The following MYO1H variants were observed in gnomAD, a reference collection of about 807,000 sequenced individuals.
MYO1H encodes myosin IH.
Under a neutral mutation model 149.3 loss-of-function variants are expected in MYO1H, and 118 were observed. The ratio of observed to expected loss-of-function variants is 0.79; its 90% CI spans 0.68 to 0.92. MYO1H has a LOEUF of 0.92. Among genes scored for constraint, MYO1H ranks in the 40% least tolerant of loss-of-function variants. The pLI, the probability that MYO1H is intolerant of heterozygous loss-of-function variation, is 0.00. For missense variants in MYO1H, 1,212 were observed against 1,280.7 expected (o/e 0.95, Z 0.82); for synonymous variants, 447 against 465.2 (o/e 0.96, Z 0.50).
chr12:109,314,415 T>A, the MYO1H span, among the ~76,000 whole-genome samples: 1 of 152,196 alleles, frequency 6.6e-6, no homozygotes, highest in Non-Finnish European at 1.5e-5. Context: ...GGCTAGTGAA[T>A]AATCCATGAT....
At chr12:109,407,233 C>G (rs899968448) in intron 9 of MYO1H, among the ~76,000 whole-genome samples, 1 of 152,058 alleles carries the variant, frequency 6.6e-6, no homozygotes, top group African/African-American at 2.4e-5. Context: ...GTCAAAGCAC[C>G]CTATGTATCT....
chr12:109,335,225 G>A, the MYO1H span, among the ~76,000 whole-genome samples: 3 of 152,250 alleles, frequency 2.0e-5, no homozygotes, highest in East Asian at 3.9e-4. Context: ...TGTGAATATT[G>A]ATGTTTCTGG....
chr12:109,423,458 G>A (rs1185149349), intron 16 of MYO1H, among the ~76,000 whole-genome samples: 4 of 152,196 alleles, frequency 2.6e-5, no homozygotes, highest in Middle Eastern at 3.2e-3. Context: ...GACCACGCTC[G>A]GCCACATTTT....
intron 2 of MYO1H, among the ~76,000 whole-genome samples, chr12:109,391,721 A>G (rs552954385): frequency 2.6e-5 from 4 of 152,268 alleles, no homozygotes; most frequent in African/African-American, 9.6e-5. Flanking sequence ...CCTTGCCAGC[A>G]TCTGTTATTT....
the MYO1H span, among the ~76,000 whole-genome samples, chr12:109,324,051 C>G: frequency 6.6e-6 from 1 of 151,040 alleles, no homozygotes; most frequent in African/African-American, 2.4e-5. Flanking sequence ...GCTGGCTTGT[C>G]TTTGGTCTTC....
intron 15 of MYO1H, among the ~76,000 whole-genome samples, chr12:109,417,023 T>C (rs1265676135): frequency 1.3e-5 from 2 of 149,370 alleles, no homozygotes; most frequent in Admixed American, 6.7e-5. Context: ...AAAAAAAAAT[T>C]AGCCGGTCGT....
At chr12:109,366,855 T>C (rs537909205) in intron 1 of MYO1H, among the ~76,000 whole-genome samples, 17 of 152,210 alleles carry the variant, frequency 1.1e-4, no homozygotes, top group Non-Finnish European at 1.8e-4. Context: ...ACTTCCCAGA[T>C]CCAAAAATGC....
At chr12:109,344,659 G>A (rs1423809481), upstream of MYO1H, among the ~76,000 whole-genome samples, 1 of 152,148 alleles carries the variant, frequency 6.6e-6, no homozygotes, top group Non-Finnish European at 1.5e-5. Flanking sequence ...AAATGCAAGG[G>A]ACCCAGAATG....
At chr12:109,409,228 CTTCTT>C (rs1870538970) in intron 10 of MYO1H, among the ~76,000 whole-genome samples, 1 of 96,908 alleles carries the variant, frequency 1.0e-5, no homozygotes, top group South Asian at 3.7e-4. Context: ...TCTTCTTTTT[CTTCTT>C]CTTCTTCTTC....
At chr12:109,442,752 G>T (rs1326731238) in intron 27 of MYO1H, among the ~76,000 whole-genome samples, 1 of 150,220 alleles carries the variant, frequency 6.7e-6, no homozygotes, top group Non-Finnish European at 1.5e-5. Flanking sequence ...CTGGCACGCA[G>T]CAGCAGGTGA....
intron 1 of MYO1H, among the ~76,000 whole-genome samples, chr12:109,359,975 G>A (rs771898325): frequency 7.9e-5 from 12 of 152,286 alleles, no homozygotes; most frequent in Non-Finnish European, 1.8e-4. Flanking sequence ...GACTCCCCGC[G>A]ACCTCTGTCC....
At chr12:109,413,602 A>T (rs1158630014) in intron 14 of MYO1H, among the ~76,000 whole-genome samples, 1 of 152,216 alleles carries the variant, frequency 6.6e-6, no homozygotes, top group Non-Finnish European at 1.5e-5. Context: ...TGATGTAAGT[A>T]AATTACACAA....
At chr12:109,313,858 T>C in the MYO1H span, among the ~76,000 whole-genome samples, 12 of 152,270 alleles carry the variant, frequency 7.9e-5, no homozygotes, top group South Asian at 1.5e-3. Flanking sequence ...AGGCATTCCT[T>C]TATGAAAAGT....
At chr12:109,394,659 T>C (rs1350422870) in intron 3 of MYO1H, among the ~76,000 whole-genome samples, 1 of 152,066 alleles carries the variant, frequency 6.6e-6, no homozygotes, top group African/African-American at 2.4e-5. Flanking sequence ...AATTTTCTAG[T>C]TTTTCTCCCT....
At chr12:109,443,591 A>G (rs896388762) in exon 28 of MYO1H, 1 of 1,613,744 alleles carries the variant, frequency 6.2e-7, no homozygotes, top group African/African-American at 1.3e-5. Flanking sequence ...CTCAGAAAGC[A>G]GCTTACGTGG....
At chr12:109,323,198 T>C in the MYO1H span, among the ~76,000 whole-genome samples, 138 of 152,344 alleles carry the variant, frequency 9.1e-4, 4 homozygotes, top group Admixed American at 7.4e-3. Context: ...GCAAAGCAAT[T>C]TGAGTACAGA....
chr12:109,397,986 C>T (rs1869986244), intron 5 of MYO1H, among the ~76,000 whole-genome samples, 174 bp downstream of exon 5: 1 of 152,140 alleles, frequency 6.6e-6, no homozygotes, highest in African/African-American at 2.4e-5. Flanking sequence ...AATGAGATAA[C>T]ATTTTATACC....
At chr12:109,436,275 G>A (rs75004906) in intron 21 of MYO1H, among the ~76,000 whole-genome samples, 254 of 152,212 alleles carry the variant, frequency 1.7e-3, no homozygotes, top group African/African-American at 5.9e-3. Flanking sequence ...AAGGCAGGAA[G>A]GAAACTCCAG....
intron 27 of MYO1H, among the ~76,000 whole-genome samples, chr12:109,443,009 A>AAAAAATATATAT (rs1371725807): frequency 1.7e-5 from 1 of 58,492 alleles, no homozygotes; most frequent in African/African-American, 1.1e-4. Flanking sequence ...AAAAAAAAAA[A>AAAAAATATATAT]ATATATATAT....
Sources: allele counts gnomAD v4.1 joint callset (sites outside exome capture counted in the v4.1 genomes callset), GRCh38; gene constraint gnomAD v4.1.1; transcripts MANE v1.5; gene names NCBI Gene and HGNC (gene_info 2026-07-23, HGNC 2026-07-21).